Variants in NPAS3 observed in about 807,000 individuals in gnomAD.
NPAS3 encodes neuronal PAS domain protein 3.
In NPAS3, 14 loss-of-function variants were observed where a neutral mutation model predicts 73.1. The observed-to-expected ratio is 0.19, with a 90% CI of 0.13 to 0.30. The LOEUF (loss-of-function observed/expected upper bound fraction) is 0.30, where lower values mean the gene tolerates loss of function less well. Among genes scored for constraint, NPAS3 ranks in the 10% least tolerant of loss-of-function variants. NPAS3 has a pLI of 1.00. For missense variants in NPAS3, 1,096 were observed against 1,250.0 expected (o/e 0.88, Z 1.86); for synonymous variants, 620 against 541.5 (o/e 1.14, Z -2.01).
chr14:33,232,255 C>T (rs181344830), intron 3 of NPAS3, among the ~76,000 whole-genome samples: 2 of 152,274 alleles, frequency 1.3e-5, no homozygotes, highest in Admixed American at 6.5e-5. Context: ...GCTGGGCCAG[C>T]GTGGACTCAG....
chr14:33,551,840 T>C (rs1340822628), intron 4 of NPAS3, among the ~76,000 whole-genome samples: 2 of 152,202 alleles, frequency 1.3e-5, no homozygotes, highest in Admixed American at 6.5e-5. Flanking sequence ...ACTGCATGTT[T>C]TCCAAATCGA....
chr14:33,203,010 CAT>C (rs2046679846), intron 2 of NPAS3, among the ~76,000 whole-genome samples: 1 of 152,192 alleles, frequency 6.6e-6, no homozygotes, highest in African/African-American at 2.4e-5. Flanking sequence ...TATGTGAAGA[CAT>C]GTGGCCTTTC....
intron 5 of NPAS3, among the ~76,000 whole-genome samples, chr14:33,640,481 C>T (rs1251081789): frequency 1.4e-4 from 21 of 152,118 alleles, no homozygotes; most frequent in Non-Finnish European, 2.9e-5. Context: ...TTAAAATGCA[C>T]ATCTTTTTCA....
At chr14:33,769,745 A>ATTTTTTT (rs5807743) in intron 7 of NPAS3, among the ~76,000 whole-genome samples, 5 of 103,368 alleles carry the variant, frequency 4.8e-5, no homozygotes, top group Non-Finnish European at 7.5e-5. Flanking sequence ...AAAGACTTGG[A>ATTTTTTT]TTTTTTTTTT....
chr14:33,733,657 G>A (rs982996929), intron 6 of NPAS3, among the ~76,000 whole-genome samples: 1 of 152,084 alleles, frequency 6.6e-6, no homozygotes, highest in African/African-American at 2.4e-5. Context: ...AAATTTCATA[G>A]TAATTCATAT....
At chr14:33,063,287 C>G (rs1348039135) in intron 2 of NPAS3, among the ~76,000 whole-genome samples, 1 of 152,128 alleles carries the variant, frequency 6.6e-6, no homozygotes, top group Non-Finnish European at 1.5e-5. Context: ...AAAATCCTTA[C>G]AATAAACTTA....
intron 5 of NPAS3, among the ~76,000 whole-genome samples, chr14:33,615,559 G>C (rs144654177): frequency 1.3e-5 from 2 of 152,262 alleles, no homozygotes; most frequent in East Asian, 1.9e-4. Context: ...CAGAAAATAG[G>C]AGTACCATGA....
At position 33,219,058 on chromosome 14, in the gene NPAS3, C is replaced by A. The variant is rs889029033; in HGVS notation, c.385+3632C>A. Among the ~76,000 whole-genome samples the A allele has an allele frequency of 4.6e-5, 7 of 152,076 alleles. No homozygotes were observed. In the South Asian group the frequency reaches 6.2e-4, roughly 14 times the overall value. ...ATATCTGTGTTGTTATAATACAGAT[C>A]AAATCTACAATGAACATTATGCGTT... On this transcript the variant is annotated intron_variant, in intron 3 of 11. Coordinates refer to ENST00000356141, the Ensembl canonical transcript of NPAS3.
At chr14:33,406,527 A>G (rs1003005263) in intron 4 of NPAS3, among the ~76,000 whole-genome samples, 2 of 152,120 alleles carry the variant, frequency 1.3e-5, no homozygotes, top group African/African-American at 2.4e-5. Context: ...AGAAGACGGC[A>G]CAGGAGAAAT....
intron 4 of NPAS3, among the ~76,000 whole-genome samples, chr14:33,403,884 C>T (rs776995365): frequency 2.3e-4 from 35 of 151,944 alleles, no homozygotes; most frequent in Non-Finnish European, 4.7e-4. Flanking sequence ...TTTCTCTCAT[C>T]ATCAATAAGA....
intron 9 of NPAS3, among the ~76,000 whole-genome samples, chr14:33,792,608 T>G (rs931476097): frequency 2.0e-5 from 3 of 151,164 alleles, no homozygotes; most frequent in Non-Finnish European, 2.9e-5. Context: ...AAAATCTAAA[T>G]GTACTTCATG....
At chr14:33,654,477 C>A (rs563467310) in intron 5 of NPAS3, among the ~76,000 whole-genome samples, 3 of 152,038 alleles carry the variant, frequency 2.0e-5, no homozygotes, top group Non-Finnish European at 2.9e-5. Flanking sequence ...TATGTCCTAA[C>A]CTTTTCCAGT....
At chr14:33,398,082 G>A (rs1594833338) in intron 4 of NPAS3, among the ~76,000 whole-genome samples, 1 of 152,136 alleles carries the variant, frequency 6.6e-6, no homozygotes, top group Admixed American at 6.6e-5. Flanking sequence ...CCCTCTCAGG[G>A]AGAGATGATT....
intron 2 of NPAS3, among the ~76,000 whole-genome samples, chr14:33,068,892 C>T (rs1741275788): frequency 1.3e-5 from 2 of 152,056 alleles, no homozygotes; most frequent in Middle Eastern, 3.4e-3. Context: ...GCTGAATGAG[C>T]AAGGAGGACA....
intron 2 of NPAS3, among the ~76,000 whole-genome samples, chr14:33,131,569 T>G (rs2043635548): frequency 6.6e-6 from 1 of 152,314 alleles, no homozygotes; most frequent in Non-Finnish European, 1.5e-5. Context: ...CAGATACATT[T>G]GTAGAGAGAA....
At chr14:33,693,173 A>G (rs1017140615) in intron 6 of NPAS3, among the ~76,000 whole-genome samples, 1 of 152,126 alleles carries the variant, frequency 6.6e-6, no homozygotes, top group Admixed American at 6.6e-5. Context: ...TGTGGTATCA[A>G]TTTGTTGTTT....
chr14:33,399,192 T>A (rs1170751194), intron 4 of NPAS3, among the ~76,000 whole-genome samples: 1 of 152,114 alleles, frequency 6.6e-6, no homozygotes, highest in Non-Finnish European at 1.5e-5. Flanking sequence ...GTAAAAGGTA[T>A]CTTAACAGGT....
chr14:33,027,549 T>C (rs1309481185), intron 1 of NPAS3, among the ~76,000 whole-genome samples: 3 of 152,226 alleles, frequency 2.0e-5, no homozygotes, highest in African/African-American at 7.2e-5. Flanking sequence ...TTGAATTTTC[T>C]TGTAGCCCAG....
At chr14:32,973,738 T>C (rs565351092) in intron 1 of NPAS3, among the ~76,000 whole-genome samples, 4 of 152,126 alleles carry the variant, frequency 2.6e-5, no homozygotes, top group Admixed American at 2.6e-4. Context: ...GGTTTAGCCA[T>C]GTTGGCCAGG....
Sources: allele counts gnomAD v4.1 joint callset (sites outside exome capture counted in the v4.1 genomes callset), GRCh38; gene constraint gnomAD v4.1.1; transcripts MANE v1.5; gene names NCBI Gene and HGNC (gene_info 2026-07-23, HGNC 2026-07-21).